Variants in SLC6A2 observed in about 807,000 individuals in gnomAD.
SLC6A2 encodes sodium-dependent noradrenaline transporter.
SLC6A2 carries 26 observed loss-of-function variants against 71.7 expected under a neutral mutation model. That is an observed-to-expected ratio of 0.36 (90% CI 0.27 to 0.50). The LOEUF is 0.50. Among genes scored for constraint, SLC6A2 ranks in the 20% least tolerant of loss-of-function variants. SLC6A2 has a pLI of 0.96. For missense variants in SLC6A2, 581 were observed against 803.9 expected, an observed-to-expected ratio of 0.72 and a Z score of 3.35; for synonymous variants, 363 against 337.9, an observed-to-expected ratio of 1.07 and a Z score of -0.82.
At chr16:55,676,429 A>G (rs544639416) in intron 4 of SLC6A2, among the ~76,000 whole-genome samples, 1 of 152,308 alleles carries the variant, frequency 6.6e-6, no homozygotes, top group South Asian at 2.1e-4. Context: ...AGTTGAGACA[A>G]TACAGTCCAC....
At chr16:55,702,075 C>T (rs1262698126) in intron 14 of SLC6A2, 141 bp downstream of exon 14, 11 of 796,640 alleles carry the variant, frequency 1.4e-5, no homozygotes, top group African/African-American at 3.4e-5. Context: ...TTGGAAACAT[C>T]GGGATGGGGG....
At chr16:55,685,479 C>T (rs1346992329) in intron 5 of SLC6A2, among the ~76,000 whole-genome samples, 198 bp downstream of exon 5, 5 of 152,150 alleles carry the variant, frequency 3.3e-5, no homozygotes, top group Non-Finnish European at 7.3e-5. Flanking sequence ...AAATCTGTGT[C>T]TCCACCACAA....
chr16:55,692,185 C>A (rs1329478955), intron 6 of SLC6A2, 133 bp downstream of exon 6: 5 of 1,068,960 alleles, frequency 4.7e-6, no homozygotes, highest in Non-Finnish European at 7.1e-6. Context: ...CCTTCCCTGT[C>A]TGAGGTGCAG....
At chr16:55,691,230 GGAGAGAGA>G (rs56308124) in intron 5 of SLC6A2, among the ~76,000 whole-genome samples, 5,335 of 46,178 alleles carry the variant, frequency 0.12, 297 homozygotes, top group Non-Finnish European at 0.13. Context: ...GGGGAGAGGG[GGAGAGAGA>G]GAGAGAGAGA....
intron 4 of SLC6A2, among the ~76,000 whole-genome samples, chr16:55,676,390 A>C (rs773758486): frequency 6.6e-6 from 1 of 152,196 alleles, no homozygotes; most frequent in Non-Finnish European, 1.5e-5. Context: ...TCTTATCCTC[A>C]TCACACTCTT....
At chr16:55,692,091 G>A in intron 6 of SLC6A2, 39 bp downstream of exon 6, 2 of 1,613,174 alleles carry the variant, frequency 1.2e-6, no homozygotes, top group South Asian at 1.1e-5. Flanking sequence ...GGCCAGGCTT[G>A]TGGGAGGGTT....
At chr16:55,677,206 CAG>C (rs1237308157) in intron 4 of SLC6A2, among the ~76,000 whole-genome samples, 1 of 152,104 alleles carries the variant, frequency 6.6e-6, no homozygotes, top group Non-Finnish European at 1.5e-5. Flanking sequence ...CCCGAACCAT[CAG>C]AGAGCTTGCA....
chr16:55,690,879 C>CT (rs1387739365), intron 5 of SLC6A2, among the ~76,000 whole-genome samples: 1 of 152,190 alleles, frequency 6.6e-6, no homozygotes, highest in East Asian at 1.9e-4. Context: ...ACCCCCATCC[C>CT]TGTCTCTACC....
rs1965847947 is a variant in SLC6A2 at position 55,697,877 on chromosome 16, C to T, written c.1261-20C>T. The T allele has an allele frequency of 3.1e-6, 5 of 1,613,596 alleles. No homozygotes were observed. Among genetic ancestry groups the T allele is most frequent in the Non-Finnish European group, 4.2e-6 (5 of 1,179,854 alleles). On this transcript the variant is annotated intron_variant, in intron 9 of 14. Transcript: ENST00000568943. ...GGGAGACCCTAATTCCTGCACCCCA[C>T]CCCTCCTGGTTCCCTCCAGATGGGA...
Position 55,703,878 on chromosome 16 carries a change from A to ACAAAACCATCTCCC in SLC6A2, c.*1532_*1533insCAAAACCATCTCCC. On this transcript the variant is annotated 3_prime_UTR_variant, in exon 15 of 15. Transcript: ENST00000568943. The stretch of plus-strand genomic sequence containing the variant: ...GAGGGGACCAGGGTGGGGCAGGGAG[A>ACAAAACCATCTCCC]TGGTTTTGTCTCCCAGGGTCCTGAG... The ACAAAACCATCTCCC allele has an allele frequency of 2.2e-6, 2 of 924,650 alleles. No homozygotes were observed. Among genetic ancestry groups the ACAAAACCATCTCCC allele is most frequent in the South Asian group, 5.0e-5 (1 of 20,026 alleles). The allele number at this position is 924,650 out of a possible 1,614,324, so 57.3% of individuals were successfully genotyped here. A position where few individuals can be genotyped will look rare whatever the true frequency, so the allele number is the denominator to read the frequency against.
intron 4 of SLC6A2, among the ~76,000 whole-genome samples, chr16:55,678,639 T>C (rs1190623692): frequency 1.3e-5 from 2 of 152,152 alleles, no homozygotes; most frequent in African/African-American, 4.8e-5. Context: ...AACATGTGCC[T>C]GGCAATAGAA....
At position 55,705,546 on chromosome 16, in the gene SLC6A2, C is replaced by A. The variant is rs1490242015; in HGVS notation, c.*3200C>A. 2 of 356,390 alleles carry A rather than the reference C, an allele frequency of 5.6e-6. No individual in the cohort carries two copies. The highest frequency in any genetic ancestry group is 1.0e-5 in the Non-Finnish European group (2 of 198,924). 22.1% of individuals were successfully genotyped at this position (356,390 alleles called of 1,614,324 possible). A position where few individuals can be genotyped will look rare whatever the true frequency, so the allele number is the denominator to read the frequency against. ...CAGACTTGGGTCTGCAGCTGACTAGCTGGGTGGCCTGGGGATAGTGGCTTC... is the reference window on the plus strand; with the variant it reads ...CAGACTTGGGTCTGCAGCTGACTAGATGGGTGGCCTGGGGATAGTGGCTTC... On this transcript the variant is annotated 3_prime_UTR_variant, in exon 15 of 15. Transcript: ENST00000568943.
At chr16:55,695,221 C>CA in intron 7 of SLC6A2, 57 bp from the exon 8 acceptor site, 1 of 1,611,102 alleles carries the variant, frequency 6.2e-7, no homozygotes, top group African/African-American at 1.3e-5. Context: ...GTCCAGCAGT[C>CA]AAAACACAGG....
At chr16:55,662,089 G>T (rs187007415) in intron 2 of SLC6A2, among the ~76,000 whole-genome samples, 46 of 152,344 alleles carry the variant, frequency 3.0e-4, no homozygotes, top group South Asian at 2.3e-3. Context: ...ACATCCCTTG[G>T]CAGAAATGTG....
chr16:55,694,245 G>T, intron 7 of SLC6A2, 132 bp downstream of exon 7: 1 of 723,512 alleles, frequency 1.4e-6, no homozygotes, highest in Non-Finnish European at 2.5e-6. Flanking sequence ...GAACCATCCT[G>T]GGCATTCTAT....
Position 55,697,952 on chromosome 16 carries a change from A to C in SLC6A2, c.1316A>C (p.Lys439Thr). The C allele has an allele frequency of 6.2e-7, 1 of 1,614,044 alleles. No individual in the cohort carries two copies. The highest frequency in any genetic ancestry group is 8.5e-7 in the Non-Finnish European group (1 of 1,179,986). ...CTGGCAGATGACTTCCAGGTCCTGA[A>C]GCGACACCGGAAACTCTTCACATTT... Reference protein sequence around the residue: ...TGLADDFQVLKRHRKLFTFGV... With the variant: ...TGLADDFQVLTRHRKLFTFGV... The change falls in exon 10 of 15, where the codon AAG (lysine) becomes ACG (threonine). Residue 439 changes from lysine to threonine, a missense_variant. Lys to Thr is a moderately conservative substitution (Grantham distance 78, BLOSUM62 -1). Transcript: ENST00000568943.
chr16:55,662,446 G>T (rs1305036732), intron 2 of SLC6A2, among the ~76,000 whole-genome samples: 1 of 152,194 alleles, frequency 6.6e-6, no homozygotes, highest in African/African-American at 2.4e-5. Context: ...ATATGCTGCA[G>T]ATCTCCTAAA....
intron 10 of SLC6A2, 123 bp downstream of exon 10, chr16:55,698,148 C>A: frequency 9.2e-7 from 1 of 1,085,762 alleles, no homozygotes; most frequent in Middle Eastern, 2.5e-4. Flanking sequence ...ATCCAGCATC[C>A]TCAATTCAGC....
chr16:55,693,056 A>T (rs1421789623), intron 6 of SLC6A2, among the ~76,000 whole-genome samples: 1 of 152,196 alleles, frequency 6.6e-6, no homozygotes, highest in Non-Finnish European at 1.5e-5. Context: ...CCCCCATCAG[A>T]TCATGCTGCC....
Sources: gnomAD v4.1 joint callset for allele counts (sites outside exome capture counted in the v4.1 genomes callset) on GRCh38, gnomAD v4.1.1 for gene constraint, MANE v1.5 for transcripts, NCBI Gene and HGNC (gene_info 2026-07-23, HGNC 2026-07-21) for gene names.